Variants in SULT1E1 observed in about 807,000 individuals in gnomAD.
SULT1E1 encodes sulfotransferase family 1E member 1.
In SULT1E1, 36 loss-of-function variants were observed where a neutral mutation model predicts 33.6. That is an observed-to-expected ratio of 1.07 (90% CI 0.82 to 1.41). The LOEUF is 1.41. SULT1E1 is among the 40% of genes most tolerant of loss of function. The pLI is 0.00. For missense variants in SULT1E1, 371 were observed against 345.7 expected, an observed-to-expected ratio of 1.07 and a Z score of -0.58; for synonymous variants, 121 against 111.7, an observed-to-expected ratio of 1.08 and a Z score of -0.53.
chr4:69,832,940 G>C, the SULT1E1 span, among the ~76,000 whole-genome samples: 1 of 152,136 alleles, frequency 6.6e-6, no homozygotes, highest in Admixed American at 6.5e-5. Context: ...AGGGAGTGCT[G>C]GGAAAGTCTT....
chr4:69,823,182 G>C, the SULT1E1 span, among the ~76,000 whole-genome samples: 3 of 152,160 alleles, frequency 2.0e-5, no homozygotes, highest in South Asian at 6.2e-4. Flanking sequence ...CTACTCCTAA[G>C]TGGTGTGAAA....
At chr4:69,859,200 C>T (rs1395899671) in intron 1 of SULT1E1, among the ~76,000 whole-genome samples, 1 of 151,998 alleles carries the variant, frequency 6.6e-6, no homozygotes, top group Non-Finnish European at 1.5e-5. Context: ...CTTATAAATT[C>T]AATTAAACTC....
intron 2 of SULT1E1, among the ~76,000 whole-genome samples, chr4:69,856,982 G>A (rs980353277): frequency 6.8e-6 from 1 of 146,884 alleles, no homozygotes; most frequent in Non-Finnish European, 1.5e-5. Flanking sequence ...GGCATACTTA[G>A]TGTGTTTGGC....
At chr4:69,843,085 C>A (rs544787835) in intron 7 of SULT1E1, among the ~76,000 whole-genome samples, 1 of 152,274 alleles carries the variant, frequency 6.6e-6, no homozygotes, top group African/African-American at 2.4e-5. Flanking sequence ...ATCCGCCCGT[C>A]TCGGCCTCCC....
chr4:69,855,503 A>G (rs76542013), intron 2 of SULT1E1, 77 bp from the exon 3 acceptor site: 4 of 1,467,260 alleles, frequency 2.7e-6, no homozygotes, highest in Non-Finnish European at 3.6e-6. Context: ...TTATGGATGG[A>G]AAAAGTTGGA....
chr4:69,836,776 C>T (rs901184646), downstream of SULT1E1, among the ~76,000 whole-genome samples: 3 of 152,082 alleles, frequency 2.0e-5, no homozygotes, highest in Admixed American at 6.5e-5. Flanking sequence ...GTCTTTGTTT[C>T]TGTAATAATA....
the SULT1E1 span, among the ~76,000 whole-genome samples, chr4:69,828,826 C>T: frequency 1.3e-5 from 2 of 152,160 alleles, no homozygotes; most frequent in African/African-American, 4.8e-5. Flanking sequence ...TTATATCCTG[C>T]CTTCCATAAC....
chr4:69,848,459 G>A (rs772507547), intron 5 of SULT1E1, among the ~76,000 whole-genome samples: 1 of 151,906 alleles, frequency 6.6e-6, no homozygotes, highest in Non-Finnish European at 1.5e-5. Flanking sequence ...TGAGTCAAAA[G>A]GTTCTGCTTT....
downstream of SULT1E1, among the ~76,000 whole-genome samples, chr4:69,836,478 T>G (rs6845469): frequency 0.01 from 1,580 of 152,300 alleles, 23 homozygotes; most frequent in African/African-American, 0.025. Context: ...TAGGCAATCA[T>G]TTATTCTCAA....
chr4:69,826,168 C>T, the SULT1E1 span, among the ~76,000 whole-genome samples: 1 of 152,160 alleles, frequency 6.6e-6, no homozygotes, highest in South Asian at 2.1e-4. Context: ...TCTTCCAACC[C>T]TGGAGATTCC....
At chr4:69,847,602 A>G (rs1578103244) in intron 6 of SULT1E1, 96 bp downstream of exon 6, 1 of 736,030 alleles carries the variant, frequency 1.4e-6, no homozygotes, top group Non-Finnish European at 2.1e-6. Context: ...GATGGCTGTC[A>G]TCATTTATTT....
At chr4:69,831,916 A>G in the SULT1E1 span, among the ~76,000 whole-genome samples, 4 of 152,106 alleles carry the variant, frequency 2.6e-5, no homozygotes, top group Non-Finnish European at 5.9e-5. Flanking sequence ...TCCCAGAACC[A>G]TCTCTCACGC....
At chr4:69,847,216 T>A (rs964545590) in intron 6 of SULT1E1, among the ~76,000 whole-genome samples, 2 of 151,428 alleles carry the variant, frequency 1.3e-5, no homozygotes, top group Non-Finnish European at 3.0e-5. Flanking sequence ...TATTTGGCTA[T>A]TTTTTTTCAA....
the SULT1E1 span, among the ~76,000 whole-genome samples, chr4:69,825,722 G>T: frequency 6.6e-6 from 1 of 151,986 alleles, no homozygotes; most frequent in Admixed American, 6.6e-5. Context: ...ACAACAAGTC[G>T]GTTGACCCTG....
the SULT1E1 span, among the ~76,000 whole-genome samples, chr4:69,833,484 T>G: frequency 1.2e-4 from 19 of 152,214 alleles, no homozygotes; most frequent in Non-Finnish European, 2.5e-4. Flanking sequence ...TACTGTCTGG[T>G]TCCTTCATAA....
At chr4:69,837,104 T>C (rs1180647141), downstream of SULT1E1, among the ~76,000 whole-genome samples, 1 of 148,784 alleles carries the variant, frequency 6.7e-6, no homozygotes, top group Non-Finnish European at 1.5e-5. Flanking sequence ...AAAAAAAATG[T>C]AGGTAGGGGT....
the SULT1E1 span, among the ~76,000 whole-genome samples, chr4:69,835,420 G>A: frequency 6.6e-6 from 1 of 152,148 alleles, no homozygotes; most frequent in African/African-American, 2.4e-5. Context: ...TAAATAGAGA[G>A]AATAACTTGA....
At chr4:69,832,845 T>C in the SULT1E1 span, among the ~76,000 whole-genome samples, 80 of 152,192 alleles carry the variant, frequency 5.3e-4, 1 homozygote, top group Admixed American at 5.2e-3. Flanking sequence ...TATAGTTACA[T>C]AGCAGACGGC....
At chr4:69,854,696 C>T (rs1420884574) in intron 3 of SULT1E1, among the ~76,000 whole-genome samples, 1 of 151,906 alleles carries the variant, frequency 6.6e-6, no homozygotes, top group Non-Finnish European at 1.5e-5. Context: ...AGATATCATT[C>T]ATATTTTGGC....
Sources: allele counts gnomAD v4.1 joint callset (sites outside exome capture counted in the v4.1 genomes callset), GRCh38; gene constraint gnomAD v4.1.1; transcripts MANE v1.5; gene names NCBI Gene and HGNC (gene_info 2026-07-23, HGNC 2026-07-21).